The following VANGL1 variants were observed in gnomAD, a reference collection of about 807,000 sequenced individuals.
VANGL1 encodes VANGL planar cell polarity protein 1, also known as vang-like protein 1.
Under a neutral mutation model 48.4 loss-of-function variants are expected in VANGL1, and 18 were observed. That is an observed-to-expected ratio of 0.37 (90% CI 0.26 to 0.55). VANGL1 has a LOEUF of 0.55. VANGL1 is among the 20% of genes least tolerant of loss of function. The pLI, the probability that VANGL1 is intolerant of heterozygous loss-of-function variation, is 0.81. For synonymous variants in VANGL1, 257 were observed against 261.8 expected (o/e 0.98, Z 0.18); for missense variants, 667 against 675.8 (o/e 0.99, Z 0.14).
At chr1:115,691,071 T>A (rs1653809283) in intron 7 of VANGL1, 48 bp from the exon 8 acceptor site, 2 of 1,613,976 alleles carry the variant, frequency 1.2e-6, no homozygotes, top group Non-Finnish European at 1.7e-6. Flanking sequence ...AGTACTGCCC[T>A]TAAAACAGGC....
intron 4 of VANGL1, among the ~76,000 whole-genome samples, chr1:115,665,511 G>A (rs1474996487): frequency 2.6e-5 from 4 of 152,236 alleles, no homozygotes; most frequent in Non-Finnish European, 5.9e-5. Flanking sequence ...GCTCCAGGAA[G>A]GTGGCTCAGC....
chr1:115,679,350 C>G (rs1653285849), intron 4 of VANGL1, among the ~76,000 whole-genome samples: 1 of 152,218 alleles, frequency 6.6e-6, no homozygotes, highest in Non-Finnish European at 1.5e-5. Context: ...GAGAGCCATG[C>G]CTGTGACACC....
At position 115,697,954 on chromosome 1, in the gene VANGL1, A is replaced by G. The variant is rs1419228840; in HGVS notation, c.*6575A>G. 1.3e-5 allele frequency: 2 copies of G among 152,360 alleles called. No homozygotes were observed. The highest frequency in any genetic ancestry group is 1.9e-4 in the East Asian group (1 of 5,180). The allele number at this position is 152,360 out of a possible 1,614,324, so 9.4% of individuals were successfully genotyped here. A position where few individuals can be genotyped will look rare whatever the true frequency, so the allele number is the denominator to read the frequency against. On this transcript the variant is annotated 3_prime_UTR_variant, in exon 8 of 8. Transcript: ENST00000355485. ...GGGCTCTTTTGACACATTTGCAAGC[A>G]TGTAAATGAATGAATGACACTACCA...
intron 6 of VANGL1, among the ~76,000 whole-genome samples, chr1:115,684,909 C>T (rs1429951144): frequency 6.6e-6 from 1 of 152,174 alleles, no homozygotes. Flanking sequence ...CACCACCAGC[C>T]ACCTCTCTCT....
intron 4 of VANGL1, among the ~76,000 whole-genome samples, chr1:115,678,664 G>A (rs893440895): frequency 2.0e-5 from 3 of 152,114 alleles, no homozygotes; most frequent in Admixed American, 6.6e-5. Flanking sequence ...TCTTCAAAAC[G>A]ATGAAGAAAG....
rs1484983568 is a variant in VANGL1, at chr1:115,689,675, C to A, written c.1315-1444C>A. 3.0e-5 allele frequency among the ~76,000 whole-genome samples: 4 copies of A among 134,408 alleles called. 1 individual carries two copies. The Admixed American group carries it at 3.1e-4, about 10-fold the overall frequency. 88.2% of individuals were successfully genotyped at this position (134,408 alleles called of 152,430 possible). A position where few individuals can be genotyped will look rare whatever the true frequency, so the allele number is the denominator to read the frequency against. ...AGGATACTAGTTAAAAACTGTTCTT[C>A]GCCAGGTGCAGTGGCTCACGCCTGT... On this transcript the variant is annotated intron_variant, in intron 7 of 7. Transcript: ENST00000355485.
At chr1:115,645,472 TA>T (rs1651879621) in intron 1 of VANGL1, among the ~76,000 whole-genome samples, 1 of 152,116 alleles carries the variant, frequency 6.6e-6, no homozygotes, top group Non-Finnish European at 1.5e-5. Context: ...AGATCTATAA[TA>T]TAAGTAAAAT....
intron 4 of VANGL1, 137 bp downstream of exon 4, chr1:115,664,405 G>T (rs1434750195): frequency 4.4e-6 from 6 of 1,359,164 alleles, no homozygotes; most frequent in African/African-American, 1.5e-5. Context: ...TTGGGGAGGA[G>T]ATGCGAGGGT....
At chr1:115,666,363 G>A (rs1170083945) in intron 4 of VANGL1, among the ~76,000 whole-genome samples, 1 of 152,172 alleles carries the variant, frequency 6.6e-6, no homozygotes, top group Non-Finnish European at 1.5e-5. Flanking sequence ...CTGAGTGGGA[G>A]TGGAGAGGGG....
chr1:115,698,074 T>C lies in VANGL1; in HGVS notation c.*6695T>C, dbSNP rs986103232. 1.2e-4 allele frequency: 19 copies of C among 152,252 alleles called. No individual in the cohort carries two copies. The highest frequency in any genetic ancestry group is 9.8e-4 in the Admixed American group (15 of 15,284). The allele number at this position is 152,252 out of a possible 1,614,324, so 9.4% of individuals were successfully genotyped here. A position where few individuals can be genotyped will look rare whatever the true frequency, so the allele number is the denominator to read the frequency against. The stretch of plus-strand genomic sequence containing the variant: ...ATGTCAGTAACAGAGTTAGTGTCTC[T>C]GATGGAATAGTGTACCTGTCACCCA... On this transcript the variant is annotated 3_prime_UTR_variant, in exon 8 of 8. Coordinates refer to ENST00000355485, the MANE Select transcript of VANGL1 (RefSeq NM_138959.3).
intron 3 of VANGL1, among the ~76,000 whole-genome samples, chr1:115,660,785 G>A (rs1246688889): frequency 1.3e-5 from 2 of 152,180 alleles, no homozygotes; most frequent in Admixed American, 1.3e-4. Context: ...ACTGAAACTG[G>A]AATTCCTCAG....
Position 115,685,456 on chromosome 1 carries a change from C to G in VANGL1, c.1243C>G (p.Gln415Glu). 6.2e-7 allele frequency: 1 copy of G among 1,614,170 alleles called. No individual in the cohort carries two copies. The highest frequency in any genetic ancestry group is 8.5e-7 in the Non-Finnish European group (1 of 1,180,032). ...GAAGTACCTGCGCATCACCCGGCAG[C>G]AGAACTACCACAGCATGGAGAGCAT... ...LQKYLRITRQ[Q>E]NYHSMESILQ... Residue 415 changes from glutamine (Q) to glutamate (E), a missense_variant, in exon 7 of 8, where the codon CAG becomes GAG. Physicochemically the swap from Gln to Glu is conservative, Grantham distance 29. Coordinates refer to ENST00000355485, the MANE Select transcript of VANGL1 (RefSeq NM_138959.3).
chr1:115,689,024 C>A (rs1205741370), intron 7 of VANGL1, among the ~76,000 whole-genome samples: 3 of 136,602 alleles, frequency 2.2e-5, no homozygotes, highest in Admixed American at 7.5e-5. Flanking sequence ...ATCTCCTGAC[C>A]TCGTGATCTG....
chr1:115,645,604 A>G (rs942330784), intron 1 of VANGL1, among the ~76,000 whole-genome samples: 4 of 152,210 alleles, frequency 2.6e-5, no homozygotes, highest in African/African-American at 9.6e-5. Context: ...ATTTGGGCTC[A>G]TTGCTACTCT....
intron 2 of VANGL1, 126 bp from the exon 3 acceptor site, chr1:115,659,515 G>GTT: frequency 8.6e-7 from 1 of 1,160,522 alleles, no homozygotes; most frequent in Non-Finnish European, 1.3e-6. Flanking sequence ...CTGTGTGTGT[G>GTT]TGTGTGTGTG....
intron 4 of VANGL1, among the ~76,000 whole-genome samples, chr1:115,679,583 G>A (rs941050516): frequency 6.6e-6 from 1 of 152,226 alleles, no homozygotes; most frequent in African/African-American, 2.4e-5. Flanking sequence ...TCACAGGGTG[G>A]AGGGTGAGAG....
chr1:115,690,352 T>C (rs1653784148), intron 7 of VANGL1, among the ~76,000 whole-genome samples: 3 of 152,130 alleles, frequency 2.0e-5, no homozygotes, highest in Admixed American at 2.0e-4. Context: ...TGAATGACAG[T>C]GTTTAGCTGG....
chr1:115,670,290 TG>T (rs1167333908), intron 4 of VANGL1, among the ~76,000 whole-genome samples: 3 of 152,234 alleles, frequency 2.0e-5, no homozygotes, highest in Admixed American at 6.5e-5. Flanking sequence ...TGTAGCATTT[TG>T]ATACAGCAGC....
At chr1:115,653,402 C>A (rs1191125083) in intron 2 of VANGL1, among the ~76,000 whole-genome samples, 1 of 152,160 alleles carries the variant, frequency 6.6e-6, no homozygotes, top group Non-Finnish European at 1.5e-5. Context: ...TTATGAAATA[C>A]CAGAAACAGC....
Sources: gnomAD v4.1 joint callset for allele counts (sites outside exome capture counted in the v4.1 genomes callset) on GRCh38, gnomAD v4.1.1 for gene constraint, MANE v1.5 for transcripts, NCBI Gene and HGNC (gene_info 2026-07-23, HGNC 2026-07-21) for gene names.